VPS53: variants seen among roughly 807,000 people sequenced by gnomAD.
The protein encoded by VPS53 is vacuolar protein sorting-associated protein 53 homolog.
VPS53 carries 70 observed loss-of-function variants against 107.0 expected under a neutral mutation model. The observed-to-expected ratio is 0.65, with a 90% CI of 0.54 to 0.80. The LOEUF (loss-of-function observed/expected upper bound fraction) is 0.80. VPS53 is among the 30% of genes least tolerant of loss of function. The pLI, the probability that VPS53 is intolerant of heterozygous loss-of-function variation, is 0.00. For synonymous variants in VPS53, 409 were observed against 393.3 expected (o/e 1.04, Z -0.47); for missense variants, 917 against 1,049.4 (o/e 0.87, Z 1.74).
chr17:512,487 C>T lies in VPS53; in HGVS notation c.*6641G>A, dbSNP rs1048066062. The T allele has an allele frequency of 1.3e-5, 2 of 152,216 alleles. No homozygotes were observed. The highest frequency in any genetic ancestry group is 4.8e-5 in the African/African-American group (2 of 41,454). The allele number at this position is 152,216 out of a possible 1,614,324, so 9.4% of individuals were successfully genotyped here. A position where few individuals can be genotyped will look rare whatever the true frequency, so the allele number is the denominator to read the frequency against. ...ACACGTCCTTCATGTCCCACAGATC[C>T]ATGGATCGCCGGCATCTTCCCTCCT... On this transcript the variant is annotated 3_prime_UTR_variant, in exon 22 of 22. Coordinates refer to ENST00000437048, the MANE Select transcript of VPS53 (RefSeq NM_001128159.3).
intron 10 of VPS53, among the ~76,000 whole-genome samples, chr17:624,622 A>G (rs1043300463): frequency 1.1e-4 from 17 of 152,368 alleles, no homozygotes; most frequent in Non-Finnish European, 2.1e-4. Flanking sequence ...GAAGCTTGGC[A>G]GCAACACTGC....
rs546200860 is a variant in VPS53 at position 659,890 on chromosome 17, C to T, written c.372+1919G>A. Among the ~76,000 whole-genome samples, 52 of 152,348 alleles carry T rather than the reference C, an allele frequency of 3.4e-4. No individual in the cohort carries two copies. The South Asian group carries it at 0.01, about 30-fold the overall frequency. Reference sequence around the variant, plus strand: ...GGATCTCCCGTCACTCCCCATCCCACAGCCTGTGTTTCTCTAGACAAACTG... The same window carrying T: ...GGATCTCCCGTCACTCCCCATCCCATAGCCTGTGTTTCTCTAGACAAACTG... On this transcript the variant is annotated intron_variant, in intron 5 of 21. Transcript: ENST00000437048.
At chr17:559,201 A>G (rs894176421) in intron 15 of VPS53, among the ~76,000 whole-genome samples, 12 of 152,194 alleles carry the variant, frequency 7.9e-5, no homozygotes, top group Admixed American at 3.3e-4. Flanking sequence ...ATTCAAAACT[A>G]TGTCTATGAA....
chr17:589,496 G>C (rs909835707), intron 12 of VPS53, among the ~76,000 whole-genome samples: 1 of 152,052 alleles, frequency 6.6e-6, no homozygotes, highest in Non-Finnish European at 1.5e-5. Context: ...CTAAAGGTCG[G>C]GGGGGAGTGG....
intron 17 of VPS53, chr17:540,578 T>C (rs1910557662): frequency 1.3e-5 from 2 of 152,062 alleles, no homozygotes; most frequent in South Asian, 2.1e-4. Context: ...AAGCCATCAG[T>C]AGAAATGAGA....
rs556167380 is a variant in VPS53, at chr17:702,563, G to A, written c.169-3183C>T. The stretch of plus-strand genomic sequence containing the variant: ...TGCCTGTAATCCCAGCTACTCGGGA[G>A]GCTGAGGCAGGAGAACTGCTTGAAC... On this transcript the variant is annotated intron_variant, in intron 2 of 21. Coordinates refer to ENST00000437048, the MANE Select transcript of VPS53 (RefSeq NM_001128159.3). Among the ~76,000 whole-genome samples, 15 of 152,262 alleles carry A rather than the reference G, an allele frequency of 9.9e-5. 1 individual carries two copies. The highest frequency in any genetic ancestry group is 3.6e-4 in the African/African-American group (15 of 41,554).
At chr17:640,884 C>T (rs978191347) in intron 7 of VPS53, among the ~76,000 whole-genome samples, 1 of 151,942 alleles carries the variant, frequency 6.6e-6, no homozygotes, top group Admixed American at 6.6e-5. Flanking sequence ...GACGAAGTCT[C>T]ACTCTTGTCT....
At chr17:576,955 G>C (rs1489531254) in intron 13 of VPS53, among the ~76,000 whole-genome samples, 1 of 145,084 alleles carries the variant, frequency 6.9e-6, no homozygotes. Flanking sequence ...TGCTTTCCTA[G>C]AGAACCTCCC....
rs184168082 is a variant in VPS53, at chr17:584,710, A to T, written c.1313+1560T>A. On this transcript the variant is annotated intron_variant, in intron 13 of 21. Transcript: ENST00000437048. ...TAGTTTTTTTAAAAAAATTATTTAT[A>T]AAGATGAGGTTTCAGCATGTTGCCC... 2.6e-5 allele frequency among the ~76,000 whole-genome samples: 4 copies of T among 152,166 alleles called. No individual in the cohort carries two copies. In the East Asian group the frequency reaches 7.7e-4, roughly 29 times the overall value.
intron 4 of VPS53, among the ~76,000 whole-genome samples, chr17:689,885 TATG>T (rs1178217042): frequency 1.3e-5 from 2 of 152,224 alleles, no homozygotes; most frequent in Non-Finnish European, 1.5e-5. Flanking sequence ...TCATAATCTT[TATG>T]ATATCTCTAT....
chr17:586,754 C>G (rs1406439226), intron 12 of VPS53, among the ~76,000 whole-genome samples: 1 of 152,186 alleles, frequency 6.6e-6, no homozygotes, highest in Non-Finnish European at 1.5e-5. Context: ...TTGATACCAA[C>G]TAATATGTCA....
chr17:644,582 G>C (rs1350374169), intron 7 of VPS53, among the ~76,000 whole-genome samples: 1 of 139,348 alleles, frequency 7.2e-6, no homozygotes, highest in Non-Finnish European at 1.6e-5. Context: ...GCTCTTTTTA[G>C]TGTTATTTTT....
At chr17:588,738 C>T (rs965537735) in intron 12 of VPS53, among the ~76,000 whole-genome samples, 2 of 152,228 alleles carry the variant, frequency 1.3e-5, no homozygotes, top group African/African-American at 4.8e-5. Context: ...GAGCCCACAA[C>T]CACACAAGCC....
At position 520,842 on chromosome 17, in the gene VPS53, C is replaced by CTCACCTACATGAGCTGCTTCACCT. The variant is rs1362893705; in HGVS notation, c.2223+758_2223+759insAGGTGAAGCAGCTCATGTAGGTGA. ...CCTCACCTACATGAGCTGCTTCACC[C>CTCACCTACATGAGCTGCTTCACCT]TCACCTACATGAGCTCTTCACCCTC... On this transcript the variant is annotated intron_variant, in intron 20 of 21. Coordinates refer to ENST00000437048, the MANE Select transcript of VPS53 (RefSeq NM_001128159.3). The surrounding 1 kb of genome is among the most constrained non-coding windows in gnomAD (Gnocchi z 4.4). Among the ~76,000 whole-genome samples the CTCACCTACATGAGCTGCTTCACCT allele has an allele frequency of 5.3e-5, 8 of 150,148 alleles. No homozygotes were observed. Among genetic ancestry groups the CTCACCTACATGAGCTGCTTCACCT allele is most frequent in the African/African-American group, 1.7e-4 (7 of 40,764 alleles).
Position 517,123 on chromosome 17 carries a change from G to C in VPS53, c.*2005C>G. On this transcript the variant is annotated 3_prime_UTR_variant, in exon 22 of 22. Transcript: ENST00000437048. ...TTAACCATAGCAACTCCATGGGCTG[G>C]GGTGGGGGCATCTACAGGGCTTCCT... 2 of 246,328 alleles carry C rather than the reference G, an allele frequency of 8.1e-6. No individual in the cohort carries two copies. Among genetic ancestry groups the C allele is most frequent in the Non-Finnish European group, 1.5e-5 (2 of 130,010 alleles). 15.3% of individuals were successfully genotyped at this position (246,328 alleles called of 1,614,324 possible). A position where few individuals can be genotyped will look rare whatever the true frequency, so the allele number is the denominator to read the frequency against.
At chr17:647,693 G>C (rs1166225990) in intron 7 of VPS53, among the ~76,000 whole-genome samples, 1 of 152,020 alleles carries the variant, frequency 6.6e-6, no homozygotes, top group East Asian at 1.9e-4. Flanking sequence ...TGAGGGAAAG[G>C]GTGGCGATTT....
intron 11 of VPS53, among the ~76,000 whole-genome samples, chr17:617,257 A>C (rs1969182871): frequency 6.6e-6 from 1 of 152,110 alleles, no homozygotes; most frequent in African/African-American, 2.4e-5. Flanking sequence ...TGCCACATAT[A>C]TCTACGCTTG....
intron 20 of VPS53, among the ~76,000 whole-genome samples, chr17:521,184 AG>A (rs1908723230): frequency 6.6e-6 from 1 of 152,236 alleles, no homozygotes; most frequent in Non-Finnish European, 1.5e-5. Context: ...GATTAGATTC[AG>A]TTACTACAAC....
chr17:557,851 TTATC>T (rs1310333330), intron 15 of VPS53, among the ~76,000 whole-genome samples: 5 of 151,302 alleles, frequency 3.3e-5, no homozygotes, highest in East Asian at 3.9e-4. Context: ...TTTGTAAGGA[TTATC>T]TTTTTTTTTT....
Sources: allele counts gnomAD v4.1 joint callset (sites outside exome capture counted in the v4.1 genomes callset), GRCh38; gene constraint gnomAD v4.1.1; non-coding constraint Gnocchi (gnomAD v3.1); transcripts MANE v1.5; gene names NCBI Gene and HGNC (gene_info 2026-07-23, HGNC 2026-07-21).